The following ADARB1 variants were observed in gnomAD, a reference collection of about 807,000 sequenced individuals.
The protein encoded by ADARB1 is adenosine deaminase RNA specific B1, also known as double-stranded RNA-specific editase 1.
ADARB1 carries 10 observed loss-of-function variants against 52.4 expected under a neutral mutation model. The ratio of observed to expected loss-of-function variants is 0.19; its 90% CI spans 0.12 to 0.32. ADARB1 has a LOEUF of 0.32. Ranked by LOEUF, ADARB1 falls within the 10% of genes least tolerant of loss-of-function variation. ADARB1 has a pLI of 1.00. For missense variants in ADARB1, 643 were observed against 922.3 expected, an observed-to-expected ratio of 0.70 and a Z score of 3.92; for synonymous variants, 349 against 371.1, an observed-to-expected ratio of 0.94 and a Z score of 0.68.
chr21:45,190,269 C>T (rs1350408761), intron 8 of ADARB1, among the ~76,000 whole-genome samples: 1 of 152,206 alleles, frequency 6.6e-6, no homozygotes, highest in Middle Eastern at 3.4e-3. Context: ...TTGTATTTTT[C>T]AGCTCCAGAA....
intron 1 of ADARB1, among the ~76,000 whole-genome samples, chr21:45,109,246 CGCG>C (rs2087411049): frequency 7.6e-6 from 1 of 132,210 alleles, no homozygotes; most frequent in Non-Finnish European, 1.6e-5. Context: ...TGTGTGTGCG[CGCG>C]TGTGCGTATG....
intron 2 of ADARB1, among the ~76,000 whole-genome samples, chr21:45,148,646 T>TTCTG (rs750564182): frequency 4.4e-4 from 67 of 152,220 alleles, no homozygotes; most frequent in Non-Finnish European, 5.4e-4. Context: ...TGGTGCTGAG[T>TTCTG]TCTGCAGCAG....
intron 1 of ADARB1, chr21:45,116,977 C>G (rs570429056): frequency 9.9e-5 from 15 of 152,154 alleles, no homozygotes; most frequent in African/African-American, 3.4e-4. Context: ...GTGTAGGCCT[C>G]TCAGGTCATT....
chr21:45,135,209 C>G (rs765637427), intron 2 of ADARB1, among the ~76,000 whole-genome samples: 3 of 152,192 alleles, frequency 2.0e-5, no homozygotes, highest in Non-Finnish European at 4.4e-5. Flanking sequence ...TCATGGAGGA[C>G]TGTGTGCTGG....
rs1219515505 is a variant in ADARB1, at chr21:45,175,713, C to G, written c.29-17C>G. On this transcript the variant is annotated splice_polypyrimidine_tract_variant and intron_variant, in intron 3 of 10. Coordinates refer to ENST00000348831, the MANE Select transcript of ADARB1 (RefSeq NM_001112.4). ...TGCAACGAAGGCATTGTAAGTTACT[C>G]TTTCTGGGCACCACAGGTTCCAGCA... is the stretch of plus-strand genomic sequence containing the variant. 1 of 1,612,308 alleles carries G rather than the reference C, an allele frequency of 6.2e-7. No individual in the cohort carries two copies. The highest frequency in any genetic ancestry group is 1.7e-5 in the Admixed American group (1 of 59,658).
At chr21:45,079,192 T>C (rs1405272015) in intron 1 of ADARB1, among the ~76,000 whole-genome samples, 2 of 152,208 alleles carry the variant, frequency 1.3e-5, no homozygotes, top group African/African-American at 4.8e-5. Context: ...CATTTTTAAG[T>C]TGCATCATCA....
rs143826197 is a variant in ADARB1, at chr21:45,116,517, G to T, written c.-219-11885G>T. Among the ~76,000 whole-genome samples, 76 of 152,320 alleles carry T rather than the reference G, an allele frequency of 5.0e-4. 1 individual carries two copies. In the East Asian group the frequency reaches 0.015, roughly 29 times the overall value. On this transcript the variant is annotated intron_variant, in intron 1 of 10. Coordinates refer to ENST00000348831, the MANE Select transcript of ADARB1 (RefSeq NM_001112.4). The stretch of plus-strand genomic sequence containing the variant: ...TATTTTGTATGTTTCCTTTGTATCT[G>T]TATTAGTGTGTTCTCATACTGCTAA...
In ADARB1 at chr21:45,180,404, C is replaced by T. The variant is rs745372191; in HGVS notation, c.1038C>T (p.His346=). ...TGACCGACAACTTCTCCTCCCCTCA[C>T]GCTCGCAGAAAAGTGCTGGCTGGAG... is the stretch of plus-strand genomic sequence containing the variant. ...GDLTDNFSSP[H]ARRKVLAGVV... is the part of the protein sequence containing the mutation. Residue 346 remains histidine (H), a synonymous_variant, in exon 5 of 11, where the codon CAC becomes CAT. Coordinates refer to ENST00000348831, the MANE Select transcript of ADARB1 (RefSeq NM_001112.4). The T allele has an allele frequency of 1.1e-5, 17 of 1,614,040 alleles. No individual in the cohort carries two copies. The highest frequency in any genetic ancestry group is 1.6e-4 in the Middle Eastern group (1 of 6,084).
chr21:45,140,969 T>C (rs1224752218), intron 2 of ADARB1, among the ~76,000 whole-genome samples: 1 of 152,150 alleles, frequency 6.6e-6, no homozygotes, highest in East Asian at 1.9e-4. Flanking sequence ...ACAGGAGGAT[T>C]GCTTAAGCCC....
intron 2 of ADARB1, among the ~76,000 whole-genome samples, chr21:45,166,292 A>G (rs79592675): frequency 0.038 from 5,728 of 152,298 alleles, 228 homozygotes; most frequent in East Asian, 0.15. Flanking sequence ...TACAAAACGT[A>G]TAACATTGTC....
intron 8 of ADARB1, among the ~76,000 whole-genome samples, chr21:45,187,729 G>T (rs1335638084): frequency 6.6e-6 from 1 of 152,142 alleles, no homozygotes; most frequent in Non-Finnish European, 1.5e-5. Flanking sequence ...TTAAGAAAGG[G>T]TGTTAAATCT....
At chr21:45,096,176 C>T (rs1450649488) in intron 1 of ADARB1, among the ~76,000 whole-genome samples, 3 of 152,258 alleles carry the variant, frequency 2.0e-5, no homozygotes, top group African/African-American at 7.2e-5. Context: ...GAAACCCTAG[C>T]ACTTTGGTGT....
At chr21:45,095,372 A>G (rs1002965623) in intron 1 of ADARB1, among the ~76,000 whole-genome samples, 3 of 152,238 alleles carry the variant, frequency 2.0e-5, no homozygotes, top group Non-Finnish European at 2.9e-5. Flanking sequence ...GCTCCTGTCC[A>G]TCCTGCCCCC....
At chr21:45,136,384 C>T (rs1204014349) in intron 2 of ADARB1, among the ~76,000 whole-genome samples, 1 of 152,212 alleles carries the variant, frequency 6.6e-6, no homozygotes, top group African/African-American at 2.4e-5. Context: ...GCTGAGATGA[C>T]AGGGAAGAAC....
chr21:45,109,152 CGTGT>C (rs1334025224), intron 1 of ADARB1, among the ~76,000 whole-genome samples: 2 of 151,248 alleles, frequency 1.3e-5, no homozygotes, highest in East Asian at 3.9e-4. Context: ...TGTGTGCGCG[CGTGT>C]GCGTATATGT....
intron 8 of ADARB1, among the ~76,000 whole-genome samples, chr21:45,203,065 G>T (rs1036654826): frequency 1.3e-5 from 2 of 152,204 alleles, no homozygotes; most frequent in South Asian, 2.1e-4. Context: ...ACGCCACTTC[G>T]TAAAATGCGC....
chr21:45,204,432 T>C lies in ADARB1; in HGVS notation c.1566-123T>C, dbSNP rs2092625627. 3 of 911,174 alleles carry C rather than the reference T, an allele frequency of 3.3e-6. No individual in the cohort carries two copies. The highest frequency in any genetic ancestry group is 3.4e-4 in the Middle Eastern group (1 of 2,922). The allele number at this position is 911,174 out of a possible 1,614,324, so 56.4% of individuals were successfully genotyped here. ...GTCTGTTAACTTTTTGTTGCACTCC[T>C]TCGTCAGTTGGTTGGGATCCTGCGG... is the stretch of plus-strand genomic sequence containing the variant. On this transcript the variant is annotated intron_variant, in intron 8 of 10. Transcript: ENST00000348831. This position sits in a 1 kb window ranked among gnomAD's most constrained non-coding sequence, Gnocchi z 4.4.
Position 45,175,767 on chromosome 21 carries a change from G to A in ADARB1, c.66G>A (p.Leu22=). ...CTGATGTGAAGGAAAACCGCAATCT[G>A]GACAACGTGTCCCCCAAGGATGGCA... ...SSTDVKENRN[L]DNVSPKDGST... is the part of the protein sequence containing the mutation. The change falls in exon 4 of 11, where the codon CTG becomes CTA. Residue 22 remains leucine, a synonymous_variant. Coordinates refer to ENST00000348831, the MANE Select transcript of ADARB1 (RefSeq NM_001112.4). 1 of 1,614,114 alleles carries A rather than the reference G, an allele frequency of 6.2e-7. No homozygotes were observed. Among genetic ancestry groups the A allele is most frequent in the Non-Finnish European group, 8.5e-7 (1 of 1,179,986 alleles).
intron 1 of ADARB1, among the ~76,000 whole-genome samples, chr21:45,124,816 T>A (rs531888764): frequency 4.7e-4 from 71 of 150,720 alleles, no homozygotes; most frequent in Middle Eastern, 6.9e-3. Context: ...TGTGTGTGTG[T>A]GACAGGGTCT....
Sources: allele counts gnomAD v4.1 joint callset (sites outside exome capture counted in the v4.1 genomes callset), GRCh38; gene constraint gnomAD v4.1.1; non-coding constraint Gnocchi (gnomAD v3.1); transcripts MANE v1.5; gene names NCBI Gene and HGNC (gene_info 2026-07-23, HGNC 2026-07-21).